UNC80: variants seen among roughly 807,000 people sequenced by gnomAD.
UNC80 encodes protein unc-80 homolog.
A neutral mutation model predicts 384.6 loss-of-function variants in UNC80; 164 were observed. The observed-to-expected ratio is 0.43, with a 90% CI of 0.38 to 0.49. The LOEUF (loss-of-function observed/expected upper bound fraction) is 0.49, where lower values mean the gene tolerates loss of function less well. Ranked by LOEUF, UNC80 falls within the 20% of genes least tolerant of loss-of-function variation. The pLI, the probability that UNC80 is intolerant of heterozygous loss-of-function variation, is 0.00. For synonymous variants in UNC80, 1,486 were observed against 1,527.8 expected, an observed-to-expected ratio of 0.97 and a Z score of 0.64; for missense variants, 3,330 against 4,143.0, an observed-to-expected ratio of 0.80 and a Z score of 5.39.
chr2:209,866,517 CACACACACACACACACAGAGAGAG>C (rs2083811115), intron 22 of UNC80, among the ~76,000 whole-genome samples: 2 of 140,470 alleles, frequency 1.4e-5, no homozygotes, highest in African/African-American at 5.5e-5. Flanking sequence ...CACACACACA[CACACACACACACACACAGAGAGAG>C]AGAGAGAGAG....
chr2:209,865,584 G>GA (rs775839043), intron 22 of UNC80, among the ~76,000 whole-genome samples: 1,239 of 118,990 alleles, frequency 0.01, 2 homozygotes, highest in Non-Finnish European at 0.012. Context: ...CTCCGTCTCA[G>GA]AAAAAAAAAA....
intron 26 of UNC80, among the ~76,000 whole-genome samples, chr2:209,892,198 T>C (rs1191813043): frequency 1.3e-5 from 2 of 152,150 alleles, no homozygotes; most frequent in Non-Finnish European, 2.9e-5. Flanking sequence ...GCAGTTACAT[T>C]AGTCCAGGGA....
intron 4 of UNC80, among the ~76,000 whole-genome samples, chr2:209,779,198 C>T (rs1278437654): frequency 6.6e-6 from 1 of 152,120 alleles, no homozygotes; most frequent in Non-Finnish European, 1.5e-5. Flanking sequence ...CAGGACCTAC[C>T]CCTGTGCACC....
chr2:209,959,516 G>A lies in UNC80; in HGVS notation c.7614G>A (p.Gly2538=). ...IRENLHLLEE[G]QGIPREELDE... ...AAAACCTTCATTTACTGGAGGAAGG[G>A]CAAGGCATTCCCAGAGAGGAACTGG... Residue 2538 remains glycine, a synonymous_variant, in exon 51 of 65, where the codon GGG becomes GGA. Coordinates refer to ENST00000673920, the MANE Select transcript of UNC80 (RefSeq NM_001371986.1). The A allele has an allele frequency of 1.9e-6, 3 of 1,551,678 alleles. No individual in the cohort carries two copies. The highest frequency in any genetic ancestry group is 2.6e-6 in the Non-Finnish European group (3 of 1,146,980).
chr2:209,788,788 G>T (rs114427469), intron 5 of UNC80, among the ~76,000 whole-genome samples: 3,335 of 151,818 alleles, frequency 0.022, 121 homozygotes, highest in African/African-American at 0.077. Context: ...GTAAGCTAAA[G>T]TTAATTTATT....
intron 31 of UNC80, among the ~76,000 whole-genome samples, chr2:209,916,205 G>A (rs1006471813): frequency 6.6e-6 from 1 of 152,064 alleles, no homozygotes; most frequent in Admixed American, 6.6e-5. Context: ...CTGGGAGAGG[G>A]TCAGTAGAGA....
rs940849571 is a variant in UNC80, at chr2:209,931,787, T to C, written c.5994+733T>C. On this transcript the variant is annotated intron_variant, in intron 38 of 64. Transcript: ENST00000673920. ...CTTGTCTAAGACTAATTTGGTCATCTTTCTTCCGAGTGCCTACTTGCTGGT... is the reference window on the plus strand; with the variant it reads ...CTTGTCTAAGACTAATTTGGTCATCCTTCTTCCGAGTGCCTACTTGCTGGT... Among the ~76,000 whole-genome samples the C allele has an allele frequency of 3.9e-5, 6 of 152,218 alleles. No individual in the cohort carries two copies. The East Asian group carries it at 1.2e-3, about 29-fold the overall frequency.
Position 209,872,962 on chromosome 2 carries a change from T to A in UNC80, c.3832T>A (p.Trp1278Arg). ...GAATGCAGCCAAGCTCTTCTACCAA[T>A]GGGGAGACGTGAGCTTTCGGTTTTC... ...QWNAAKLFYQ[W>R]GDAIGVRLNE... is the part of the protein sequence containing the mutation. The change falls in exon 23 of 65, where the codon TGG becomes AGG. Residue 1278 changes from tryptophan to arginine, a missense_variant. Trp to Arg is a moderately radical substitution (Grantham distance 101, BLOSUM62 -3). Coordinates refer to ENST00000673920, the MANE Select transcript of UNC80 (RefSeq NM_001371986.1). This position sits in a 1 kb window ranked among gnomAD's most constrained non-coding sequence, Gnocchi z 4.1. The A allele has an allele frequency of 6.4e-7, 1 of 1,551,630 alleles. No individual in the cohort carries two copies. Among genetic ancestry groups the A allele is most frequent in the Non-Finnish European group, 8.7e-7 (1 of 1,146,948 alleles).
chr2:209,970,271 G>A, intron 53 of UNC80: 1 of 204,120 alleles, frequency 4.9e-6, no homozygotes, highest in Non-Finnish European at 9.8e-6. Context: ...CTCTTATGGT[G>A]CAAAATGACA....
intron 3 of UNC80, 150 bp downstream of exon 3, chr2:209,776,195 T>C (rs1017952873): frequency 6.9e-6 from 7 of 1,008,282 alleles, no homozygotes; most frequent in Non-Finnish European, 5.4e-6. Context: ...CTCACACTTA[T>C]ACTCATTATT....
chr2:209,855,676 G>A (rs2082859059), intron 22 of UNC80, among the ~76,000 whole-genome samples: 2 of 151,970 alleles, frequency 1.3e-5, no homozygotes, highest in African/African-American at 4.8e-5. Context: ...ACATTGGTAT[G>A]TGTCTTTAGA....
At chr2:209,876,061 C>G (rs903137395) in intron 23 of UNC80, among the ~76,000 whole-genome samples, 1 of 152,090 alleles carries the variant, frequency 6.6e-6, no homozygotes, top group Non-Finnish European at 1.5e-5. Context: ...TTTAATCTAT[C>G]TTATGAGCTA....
intron 5 of UNC80, 78 bp downstream of exon 5, chr2:209,786,267 G>T (rs1324005906): frequency 4.7e-6 from 7 of 1,494,310 alleles, no homozygotes; most frequent in African/African-American, 2.8e-5. Flanking sequence ...GGGATAATTT[G>T]CCCCTAAGAA....
intron 61 of UNC80, among the ~76,000 whole-genome samples, chr2:209,987,617 T>C (rs184904129): frequency 2.0e-5 from 3 of 152,304 alleles, no homozygotes; most frequent in African/African-American, 7.2e-5. Flanking sequence ...AAGAATTAGA[T>C]TTTGGTTGGA....
chr2:209,866,490 C>CCCCACACACACA (rs1420955284), intron 22 of UNC80, among the ~76,000 whole-genome samples: 2 of 107,560 alleles, frequency 1.9e-5, no homozygotes, highest in African/African-American at 7.2e-5. Context: ...AAATGCACCC[C>CCCCACACACACA]CACACACACA....
intron 35 of UNC80, among the ~76,000 whole-genome samples, chr2:209,923,910 G>A (rs1575031193): frequency 6.6e-6 from 1 of 151,978 alleles, no homozygotes; most frequent in Admixed American, 6.6e-5. Flanking sequence ...ATTTATTGCA[G>A]TTTTGGATAA....
intron 28 of UNC80, among the ~76,000 whole-genome samples, chr2:209,898,669 T>C (rs542551341): frequency 6.6e-6 from 1 of 152,294 alleles, no homozygotes; most frequent in South Asian, 2.1e-4. Context: ...ACAGTTATTA[T>C]TGACTATAGT....
At chr2:209,896,049 T>C (rs2086767056) in intron 27 of UNC80, among the ~76,000 whole-genome samples, 1 of 152,168 alleles carries the variant, frequency 6.6e-6, no homozygotes, top group Non-Finnish European at 1.5e-5. Context: ...GACTTGACTC[T>C]GTTTTTTTTT....
intron 22 of UNC80, among the ~76,000 whole-genome samples, chr2:209,871,390 GGACATTATTTATA>G (rs1473123318): frequency 6.6e-6 from 1 of 151,946 alleles, no homozygotes; most frequent in African/African-American, 2.4e-5. Context: ...CTTAAATGGG[GGACATTATTTATA>G]GATCACAGGG....
Sources: allele counts gnomAD v4.1 joint callset (sites outside exome capture counted in the v4.1 genomes callset), GRCh38; gene constraint gnomAD v4.1.1; non-coding constraint Gnocchi (gnomAD v3.1); transcripts MANE v1.5; gene names NCBI Gene and HGNC (gene_info 2026-07-23, HGNC 2026-07-21).